Variants in KYAT1 observed in about 807,000 individuals in gnomAD.
KYAT1 encodes kynurenine aminotransferase 1.
KYAT1 carries 47 observed loss-of-function variants against 52.4 expected under a neutral mutation model. The observed-to-expected ratio is 0.90, with a 90% confidence interval of 0.71 to 1.14. KYAT1 has a LOEUF of 1.14. Ranked by LOEUF, KYAT1 falls within the 50% of genes most tolerant of loss-of-function variation. The pLI, the probability that KYAT1 is intolerant of heterozygous loss-of-function variation, is 0.00. For missense variants in KYAT1, 480 were observed against 557.9 expected (o/e 0.86, Z 1.41); for synonymous variants, 212 against 209.6 (o/e 1.01, Z -0.10).
intron 1 of KYAT1, among the ~76,000 whole-genome samples, chr9:128,864,016 C>T (rs928606391): frequency 4.6e-5 from 7 of 152,024 alleles, no homozygotes; most frequent in African/African-American, 1.7e-4. Context: ...TTATTTACCA[C>T]ACGCTTTCCT....
At chr9:128,879,855 C>G (rs1406413891) in intron 1 of KYAT1, among the ~76,000 whole-genome samples, 1 of 152,310 alleles carries the variant, frequency 6.6e-6, no homozygotes, top group East Asian at 1.9e-4. Flanking sequence ...AGGACAGGAA[C>G]TATGTGCTTG....
chr9:128,878,572 G>C (rs1294422331), intron 1 of KYAT1, among the ~76,000 whole-genome samples: 1 of 152,138 alleles, frequency 6.6e-6, no homozygotes, highest in Non-Finnish European at 1.5e-5. Context: ...ACAAATGTTT[G>C]GTGACAATTT....
intron 1 of KYAT1, among the ~76,000 whole-genome samples, chr9:128,854,515 C>T (rs1834349816): frequency 6.6e-6 from 1 of 152,084 alleles, no homozygotes; most frequent in Non-Finnish European, 1.5e-5. Flanking sequence ...TGCCATCCAC[C>T]AAAAAAGCGA....
chr9:128,835,444 C>T lies in KYAT1; in HGVS notation c.1042+37G>A, dbSNP rs768476222. ...ACACTGAGCCCCCTGCAGCCTCCAG[C>T]CCCTGCGCCCTGCCCAGACCGGCAA... is the stretch of plus-strand genomic sequence containing the variant. On this transcript the variant is annotated intron_variant, in intron 10 of 12. Transcript: ENST00000302586. 10 of 1,613,594 alleles carry T rather than the reference C, an allele frequency of 6.2e-6. No homozygotes were observed. In the Admixed American group the frequency reaches 1.7e-4, roughly 27 times the overall value.
At position 128,875,248 on chromosome 9, in the gene KYAT1, G is replaced by GTTT. The variant is rs1201067985; in HGVS notation, c.-7+6646_-7+6648dup. Reference sequence around the variant, plus strand: ...ATTTATGTTCAATTTGTTTTTTTTTGTTTTTTTTTTTTTTTTGGTTTTTGT... The same window carrying GTTT: ...ATTTATGTTCAATTTGTTTTTTTTTGTTTTTTTTTTTTTTTTTTTGGTTTTTGT... On this transcript the variant is annotated intron_variant, in intron 1 of 12. Transcript: ENST00000302586. 6.6e-4 allele frequency among the ~76,000 whole-genome samples: 71 copies of GTTT among 108,338 alleles called. 1 individual carries two copies. The highest frequency in any genetic ancestry group is 2.3e-3 in the African/African-American group (69 of 29,684). 71.1% of individuals were successfully genotyped at this position (108,338 alleles called of 152,430 possible). A position where few individuals can be genotyped will look rare whatever the true frequency, so the allele number is the denominator to read the frequency against.
intron 1 of KYAT1, among the ~76,000 whole-genome samples, chr9:128,874,075 G>C (rs1370380035): frequency 2.0e-5 from 3 of 151,528 alleles, no homozygotes; most frequent in African/African-American, 7.3e-5. Flanking sequence ...GGTCAACATG[G>C]TGAAACCCCG....
chr9:128,850,912 G>A (rs12551834), intron 1 of KYAT1, among the ~76,000 whole-genome samples: 11,459 of 152,152 alleles, frequency 0.075, 502 homozygotes, highest in South Asian at 0.16. Context: ...ACATAAATCC[G>A]GCCTACATGC....
chr9:128,871,115 G>A (rs891757358), intron 1 of KYAT1, among the ~76,000 whole-genome samples: 1 of 152,086 alleles, frequency 6.6e-6, no homozygotes, highest in East Asian at 1.9e-4. Context: ...TCAGGAGTTC[G>A]AGATCAGCCT....
intron 1 of KYAT1, among the ~76,000 whole-genome samples, chr9:128,877,299 TG>T (rs1187869899): frequency 2.0e-5 from 3 of 152,166 alleles, no homozygotes; most frequent in Non-Finnish European, 4.4e-5. Flanking sequence ...TAGCCCCACC[TG>T]TACCTCCTCT....
At chr9:128,837,270 G>A (rs1053625214) in intron 6 of KYAT1, among the ~76,000 whole-genome samples, 1 of 152,182 alleles carries the variant, frequency 6.6e-6, no homozygotes, top group African/African-American at 2.4e-5. Context: ...CTCCAGCCTG[G>A]GAGACAGAGC....
intron 1 of KYAT1, among the ~76,000 whole-genome samples, chr9:128,856,768 C>A (rs756813815): frequency 6.6e-6 from 1 of 152,238 alleles, no homozygotes; most frequent in African/African-American, 2.4e-5. Context: ...GAAAGCCGCA[C>A]GGACCTCTGC....
intron 1 of KYAT1, among the ~76,000 whole-genome samples, chr9:128,847,827 TA>T (rs920859378): frequency 1.3e-5 from 2 of 151,870 alleles, no homozygotes; most frequent in African/African-American, 2.4e-5. Flanking sequence ...CACCTCTAAT[TA>T]AAAAATGATC....
chr9:128,841,813 C>T (rs1352037657), intron 3 of KYAT1, among the ~76,000 whole-genome samples: 5 of 151,786 alleles, frequency 3.3e-5, no homozygotes, highest in African/African-American at 1.2e-4. Context: ...GTCTGAGCAA[C>T]ATGGTGAAAC....
At position 128,833,531 on chromosome 9, in the gene KYAT1, A is replaced by T; in HGVS notation, c.*53T>A. On this transcript the variant is annotated 3_prime_UTR_variant, in exon 13 of 13. Transcript: ENST00000302586. ...AACCTGGACAAAGACAGACACTCAAAGAGGATCTCTGCGGGCATGTGGGGA... is the reference window on the plus strand; with the variant it reads ...AACCTGGACAAAGACAGACACTCAATGAGGATCTCTGCGGGCATGTGGGGA... The T allele has an allele frequency of 6.5e-7, 1 of 1,545,806 alleles. No homozygotes were observed. The highest frequency in any genetic ancestry group is 2.2e-5 in the East Asian group (1 of 44,526).
At chr9:128,864,497 C>A (rs1177540718) in intron 1 of KYAT1, among the ~76,000 whole-genome samples, 3 of 151,744 alleles carry the variant, frequency 2.0e-5, no homozygotes, top group Non-Finnish European at 2.9e-5. Flanking sequence ...AAACTGACAA[C>A]TCTGTACCCA....
chr9:128,840,631 TTG>T, intron 3 of KYAT1: 1 of 445,248 alleles, frequency 2.2e-6, no homozygotes. Context: ...TTTTTTTTTT[TTG>T]GATCAAAGAA....
At chr9:128,854,591 AG>A (rs1201117933) in intron 1 of KYAT1, among the ~76,000 whole-genome samples, 1 of 152,220 alleles carries the variant, frequency 6.6e-6, no homozygotes, top group Admixed American at 6.5e-5. Flanking sequence ...AAAGTACACA[AG>A]GGTAACACAA....
At chr9:128,876,897 ATTT>A (rs201155762) in intron 1 of KYAT1, among the ~76,000 whole-genome samples, 2,830 of 146,504 alleles carry the variant, frequency 0.019, 40 homozygotes, top group Non-Finnish European at 0.029. Context: ...CAGCTAATTT[ATTT>A]TTATTTTTAT....
chr9:128,833,706 G>A (rs371062818), intron 12 of KYAT1, 34 bp downstream of exon 12: 2 of 1,613,498 alleles, frequency 1.2e-6, no homozygotes, highest in African/African-American at 2.7e-5. Context: ...GGGAAGCTCT[G>A]TGAGGTCTTT....
Sources: allele counts gnomAD v4.1 joint callset (sites outside exome capture counted in the v4.1 genomes callset), GRCh38; gene constraint gnomAD v4.1.1; transcripts MANE v1.5; gene names NCBI Gene and HGNC (gene_info 2026-07-23, HGNC 2026-07-21).